LONP2: variants seen among roughly 807,000 people sequenced by gnomAD.
The protein encoded by LONP2 is lon peptidase 2, peroxisomal, also known as lon protease homolog 2, peroxisomal.
In LONP2, 60 loss-of-function variants were observed where a neutral mutation model predicts 85.6. That is an observed-to-expected ratio of 0.70 (90% CI 0.57 to 0.87). LONP2 has a LOEUF of 0.87. Ranked by LOEUF, LONP2 falls within the 40% of genes least tolerant of loss-of-function variation. The probability of loss-of-function intolerance (pLI) is 0.00; values close to 1 mark genes in which losing one functional copy is unlikely to be tolerated. For missense variants in LONP2, 860 were observed against 1,063.5 expected (o/e 0.81, Z 2.66); for synonymous variants, 395 against 389.7 (o/e 1.01, Z -0.16).
chr16:48,339,005 GATTTTAGA>G (rs1238759652), intron 12 of LONP2, among the ~76,000 whole-genome samples: 2 of 152,190 alleles, frequency 1.3e-5, no homozygotes, highest in Non-Finnish European at 2.9e-5. Flanking sequence ...CCAAGATGGA[GATTTTAGA>G]ATTATTAGAA....
intron 12 of LONP2, among the ~76,000 whole-genome samples, chr16:48,338,646 G>A (rs1287059673): frequency 1.3e-5 from 2 of 152,190 alleles, no homozygotes; most frequent in Non-Finnish European, 2.9e-5. Context: ...GGTGGCTCAT[G>A]CCTGTAATCC....
intron 8 of LONP2, among the ~76,000 whole-genome samples, chr16:48,285,647 A>G (rs577387021): frequency 6.6e-6 from 1 of 152,224 alleles, no homozygotes; most frequent in African/African-American, 2.4e-5. Context: ...TTTTTCATTC[A>G]AATTACTGTA....
chr16:48,289,466 G>T lies in LONP2; in HGVS notation c.1384-6549G>T, dbSNP rs534692418. ...TAGCCTTTCCAAAGGGGGCAATCAG[G>T]TTTACCTCAGTGAGCAGAGGGGTGA... On this transcript the variant is annotated intron_variant, in intron 8 of 14. Coordinates refer to ENST00000285737, the MANE Select transcript of LONP2 (RefSeq NM_031490.5). 4.0e-4 allele frequency among the ~76,000 whole-genome samples: 61 copies of T among 152,296 alleles called. 1 individual carries two copies. The highest frequency in any genetic ancestry group is 1.4e-3 in the African/African-American group (57 of 41,556).
chr16:48,292,922 A>G (rs1596954664), intron 8 of LONP2, among the ~76,000 whole-genome samples: 1 of 152,144 alleles, frequency 6.6e-6, no homozygotes, highest in African/African-American at 2.4e-5. Context: ...AAGCATCACT[A>G]ATTTTTTCTC....
chr16:48,291,036 T>C (rs1483404099), intron 8 of LONP2, among the ~76,000 whole-genome samples: 1 of 152,228 alleles, frequency 6.6e-6, no homozygotes, highest in East Asian at 1.9e-4. Context: ...AACAAAGAGA[T>C]GAAGGCCAAA....
Position 48,347,726 on chromosome 16 carries a change from C to T in LONP2, c.2146+12C>T, listed in dbSNP as rs1960014238. 2 of 1,608,568 alleles carry T rather than the reference C, an allele frequency of 1.2e-6. No homozygotes were observed. Among genetic ancestry groups the T allele is most frequent in the Non-Finnish European group, 1.7e-6 (2 of 1,178,038 alleles). On this transcript the variant is annotated intron_variant, in intron 13 of 14. Coordinates refer to ENST00000285737, the MANE Select transcript of LONP2 (RefSeq NM_031490.5). The stretch of plus-strand genomic sequence containing the variant: ...CCAGCTGACCAATGGTAGGAGCCTG[C>T]ACCCGGCCAGGCAGGCGTGACCCAG...
rs565222422 is a variant in LONP2 at position 48,339,611 on chromosome 16, A to G, written c.1938+5253A>G. Among the ~76,000 whole-genome samples the G allele has an allele frequency of 9.2e-5, 14 of 152,308 alleles. No homozygotes were observed. In the East Asian group the frequency reaches 2.7e-3, roughly 29 times the overall value. On this transcript the variant is annotated intron_variant, in intron 12 of 14. Transcript: ENST00000285737. Reference sequence around the variant, plus strand: ...GTAATCCAGTAGAGAGCACAGACTGATGTTGCAGGACAGAGCAGTGGTACG... The same window carrying G: ...GTAATCCAGTAGAGAGCACAGACTGGTGTTGCAGGACAGAGCAGTGGTACG...
intron 11 of LONP2, among the ~76,000 whole-genome samples, chr16:48,311,778 C>T (rs1973036125): frequency 6.6e-6 from 1 of 152,058 alleles, no homozygotes; most frequent in African/African-American, 2.4e-5. Flanking sequence ...TACCACCACA[C>T]CTAGCTTATT....
intron 8 of LONP2, among the ~76,000 whole-genome samples, chr16:48,287,698 G>A (rs1235981924): frequency 6.6e-6 from 1 of 152,184 alleles, no homozygotes; most frequent in East Asian, 1.9e-4. Context: ...ATGAACTTGA[G>A]AGAAAGGGAT....
intron 7 of LONP2, 29 bp from the exon 8 acceptor site, chr16:48,277,309 A>G: frequency 1.9e-6 from 3 of 1,603,940 alleles, no homozygotes; most frequent in Non-Finnish European, 2.6e-6. Flanking sequence ...GACATCTCAC[A>G]CTGTGAATGT....
intron 11 of LONP2, among the ~76,000 whole-genome samples, chr16:48,316,458 C>T (rs929802512): frequency 6.6e-6 from 1 of 150,400 alleles, no homozygotes; most frequent in Non-Finnish European, 1.5e-5. Flanking sequence ...TCCCGAGTAG[C>T]TGGGATTACA....
intron 3 of LONP2, among the ~76,000 whole-genome samples, chr16:48,257,952 T>C (rs1366493803): frequency 6.6e-6 from 1 of 152,220 alleles, no homozygotes; most frequent in East Asian, 1.9e-4. Context: ...TTTGAACCTA[T>C]AATTTGTTTA....
At chr16:48,252,419 T>C in intron 2 of LONP2, 54 bp downstream of exon 2, 2 of 1,169,940 alleles carry the variant, frequency 1.7e-6, no homozygotes, top group Non-Finnish European at 1.2e-6. Flanking sequence ...TCTTTTGCTT[T>C]CCTAAGATAT....
At chr16:48,264,476 A>C (rs1399313055) in intron 6 of LONP2, among the ~76,000 whole-genome samples, 3 of 152,248 alleles carry the variant, frequency 2.0e-5, no homozygotes, top group African/African-American at 7.2e-5. Flanking sequence ...GTTTAAGGTT[A>C]TCTCTCTTAT....
Position 48,362,615 on chromosome 16 carries a change from AG to A in LONP2, c.*754del. On this transcript the variant is annotated 3_prime_UTR_variant, in exon 5 of 5. Transcript: ENST00000565867. This position sits in a 1 kb window ranked among gnomAD's most constrained non-coding sequence, Gnocchi z 4.2. ...AATTACACTGAATGTGCACTTTATT[AG>A]GATCTGTACACTGGATAAGCTCTCT... 1 of 618,028 alleles carries A rather than the reference AG, an allele frequency of 1.6e-6. No homozygotes were observed. The allele number at this position is 618,028 out of a possible 1,614,324, so 38.3% of individuals were successfully genotyped here.
intron 11 of LONP2, among the ~76,000 whole-genome samples, chr16:48,324,023 T>G (rs1973319221): frequency 6.6e-6 from 1 of 152,252 alleles, no homozygotes; most frequent in African/African-American, 2.4e-5. Flanking sequence ...AGATGTTGTT[T>G]TGGAAAAGAT....
chr16:48,269,907 T>A (rs1972066564), intron 6 of LONP2, 109 bp from the exon 7 acceptor site: 1 of 1,117,238 alleles, frequency 9.0e-7, no homozygotes, highest in African/African-American at 1.6e-5. Flanking sequence ...AGTCTGTTCT[T>A]ATCACATCTA....
At chr16:48,269,943 G>A (rs761388933) in intron 6 of LONP2, 73 bp from the exon 7 acceptor site, 68 of 1,489,850 alleles carry the variant, frequency 4.6e-5, no homozygotes, top group Middle Eastern at 1.8e-4. Context: ...TTTTGCCCTC[G>A]TCATGCTTGA....
chr16:48,268,848 A>T (rs1420260792), intron 6 of LONP2, among the ~76,000 whole-genome samples: 2 of 152,158 alleles, frequency 1.3e-5, no homozygotes. Flanking sequence ...GAACCAAATT[A>T]CCATCTCAGG....
Sources: gnomAD v4.1 joint callset for allele counts (sites outside exome capture counted in the v4.1 genomes callset) on GRCh38, gnomAD v4.1.1 for gene constraint, Gnocchi (gnomAD v3.1) non-coding constraint, MANE v1.5 for transcripts, NCBI Gene and HGNC (gene_info 2026-07-23, HGNC 2026-07-21) for gene names.